PCM1: variants seen among roughly 807,000 people sequenced by gnomAD.
PCM1 encodes the protein pericentriolar material 1 protein.
Under a neutral mutation model 241.9 loss-of-function variants are expected in PCM1, and 157 were observed. That is an observed-to-expected ratio of 0.65 (90% CI 0.57 to 0.74). PCM1 has a LOEUF of 0.74. PCM1 is among the 30% of genes least tolerant of loss of function. The pLI is 0.00. For synonymous variants in PCM1, 1,085 were observed against 784.9 expected (o/e 1.38, Z -6.39); for missense variants, 3,478 against 2,360.1 (o/e 1.47, Z -9.81).
At chr8:17,997,244 C>T (rs1394290266) in intron 29 of PCM1, among the ~76,000 whole-genome samples, 1 of 152,066 alleles carries the variant, frequency 6.6e-6, no homozygotes, top group Non-Finnish European at 1.5e-5. Context: ...ATTCTAGTGA[C>T]AAGTCTACTG....
intron 29 of PCM1, among the ~76,000 whole-genome samples, chr8:18,004,754 C>G (rs541595032): frequency 6.6e-6 from 1 of 152,060 alleles, no homozygotes. Flanking sequence ...AATGTATTCT[C>G]CTCCTTAGAG....
chr8:17,991,625 A>G lies in PCM1; in HGVS notation c.4615A>G (p.Asn1539Asp). 6.3e-7 allele frequency: 1 copy of G among 1,581,400 alleles called. No homozygotes were observed. The highest frequency in any genetic ancestry group is 1.2e-5 in the South Asian group (1 of 86,258). ...GAAGACTGAGGCTGAAAGTAACTCA[A>G]ATATGAGATGCACCTGCAGGATTAT... is the stretch of plus-strand genomic sequence containing the variant. ...RMKTEAESNSNMRCTCRIIED... is the reference protein window; with the variant it reads ...RMKTEAESNSDMRCTCRIIED... The change falls in exon 28 of 39, where the codon AAT becomes GAT. Residue 1539 changes from asparagine (N) to aspartate (D), a missense_variant. Asn to Asp is a conservative substitution (Grantham distance 23, BLOSUM62 1). Transcript: ENST00000325083.
At chr8:17,956,261 G>A (rs2068427226) in intron 10 of PCM1, among the ~76,000 whole-genome samples, 1 of 152,148 alleles carries the variant, frequency 6.6e-6, no homozygotes, top group Non-Finnish European at 1.5e-5. Flanking sequence ...GTAGTATTTA[G>A]TAGTACTTCA....
At position 17,938,986 on chromosome 8, in the gene PCM1, G is replaced by C; in HGVS notation, c.589G>C (p.Glu197Gln). Residue 197 changes from glutamate (E) to glutamine (Q), a missense_variant, in exon 5 of 39, where the codon GAA (glutamate) becomes CAA (glutamine). By Grantham distance (29) the Glu-to-Gln change is conservative (BLOSUM62 2). Coordinates refer to ENST00000325083, the MANE Select transcript of PCM1 (RefSeq NM_006197.4). ...CQVSEEDGRG[E>Q]PAMESSQIVS... ...GGTGTCTGAAGAAGATGGGAGGGGA[G>C]AACCTGCAATGGAGAGCAGCCAGGT... 6.2e-7 allele frequency: 1 copy of C among 1,613,660 alleles called. No homozygotes were observed. The highest frequency in any genetic ancestry group is 8.5e-7 in the Non-Finnish European group (1 of 1,179,634).
intron 29 of PCM1, among the ~76,000 whole-genome samples, chr8:18,005,002 G>A (rs1466956560): frequency 1.3e-5 from 2 of 151,930 alleles, no homozygotes; most frequent in Admixed American, 6.6e-5. Context: ...CATATCTACT[G>A]TTACTTTTTC....
At chr8:18,022,239 G>A (rs575303572) in intron 36 of PCM1, among the ~76,000 whole-genome samples, 2 of 152,200 alleles carry the variant, frequency 1.3e-5, no homozygotes, top group African/African-American at 4.8e-5. Context: ...AGGTGGCATC[G>A]TGAAGTAAAC....
intron 29 of PCM1, among the ~76,000 whole-genome samples, chr8:18,005,169 ATATT>A (rs1378295337): frequency 6.6e-6 from 1 of 152,112 alleles, no homozygotes; most frequent in African/African-American, 2.4e-5. Context: ...CTTTTTAAAA[ATATT>A]TATTTATTCA....
At chr8:18,010,492 A>C in intron 31 of PCM1, 117 bp from the exon 32 acceptor site, 1 of 670,090 alleles carries the variant, frequency 1.5e-6, no homozygotes, top group Non-Finnish European at 2.5e-6. Context: ...ATTAGAAAGT[A>C]ATACAGGCCA....
chr8:18,014,914 T>G, intron 36 of PCM1, 74 bp downstream of exon 36: 1 of 1,307,614 alleles, frequency 7.6e-7, no homozygotes, highest in Non-Finnish European at 1.0e-6. Context: ...CAGATTAGCA[T>G]TCTCCACATG....
In PCM1 at chr8:18,012,783, C is replaced by T. The variant is rs544416469; in HGVS notation, c.5511+956C>T. 8.1e-4 allele frequency among the ~76,000 whole-genome samples: 124 copies of T among 152,200 alleles called. 1 individual carries two copies. The highest frequency in any genetic ancestry group is 3.0e-3 in the African/African-American group (123 of 41,536). On this transcript the variant is annotated intron_variant, in intron 34 of 38. Coordinates refer to ENST00000325083, the MANE Select transcript of PCM1 (RefSeq NM_006197.4). ...TCATGGATTGATCTTCTGATTTTCT[C>T]CTCTTTTCCTTATCTTTTGGTTTTA...
At chr8:17,950,351 G>A (rs539063734) in intron 7 of PCM1, among the ~76,000 whole-genome samples, 3 of 152,142 alleles carry the variant, frequency 2.0e-5, no homozygotes, top group Admixed American at 1.3e-4. Flanking sequence ...CTATTAATTG[G>A]AATGTAATAG....
At chr8:17,985,366 G>GATTT in intron 24 of PCM1, 81 bp from the exon 25 acceptor site, 3 of 837,806 alleles carry the variant, frequency 3.6e-6, no homozygotes, top group South Asian at 3.8e-5. Flanking sequence ...ATTTAAAGCT[G>GATTT]AGAGTAATGA....
At chr8:17,967,787 C>G (rs1040649048) in intron 21 of PCM1, among the ~76,000 whole-genome samples, 1 of 152,160 alleles carries the variant, frequency 6.6e-6, no homozygotes, top group African/African-American at 2.4e-5. Flanking sequence ...CAGTGCTCTC[C>G]TAAAGGAGTA....
At chr8:17,984,291 G>C (rs2081901711) in intron 24 of PCM1, among the ~76,000 whole-genome samples, 1 of 151,870 alleles carries the variant, frequency 6.6e-6, no homozygotes, top group Admixed American at 6.5e-5. Flanking sequence ...ATAAAAGTTT[G>C]CATATCAAAA....
chr8:18,018,846 G>GTA (rs1482448115), intron 36 of PCM1, among the ~76,000 whole-genome samples: 12 of 60,028 alleles, frequency 2.0e-4, no homozygotes, highest in East Asian at 3.6e-4. Flanking sequence ...ATATGTGTGT[G>GTA]TGTGTGTATA....
Position 17,944,344 on chromosome 8 carries a change from C to T in PCM1, c.784-2842C>T, listed in dbSNP as rs115852873. 2.9e-3 allele frequency among the ~76,000 whole-genome samples: 442 copies of T among 152,234 alleles called. 2 individuals are homozygous for T. Among genetic ancestry groups the T allele is most frequent in the African/African-American group, 0.01 (423 of 41,536 alleles). ...GACACTGGATAAGTCACAACTTTAT[C>T]TTCTCTAGGCTTATAGTTCCTCAAC... On this transcript the variant is annotated intron_variant, in intron 6 of 38. Coordinates refer to ENST00000325083, the MANE Select transcript of PCM1 (RefSeq NM_006197.4).
In PCM1 at chr8:17,980,869, G is replaced by T. The variant is rs187779283; in HGVS notation, c.4108+114G>T. ...TTCACACGTATCTATCATGTGGAAG[G>T]TTTTATAGTGGAAATTATAGTACAC... is the stretch of plus-strand genomic sequence containing the variant. On this transcript the variant is annotated intron_variant, in intron 24 of 38. Transcript: ENST00000325083. 2.6e-4 allele frequency: 178 copies of T among 684,992 alleles called. No homozygotes were observed. The East Asian group carries it at 4.1e-3, about 16-fold the overall frequency. 42.4% of individuals were successfully genotyped at this position (684,992 alleles called of 1,614,324 possible).
intron 23 of PCM1, among the ~76,000 whole-genome samples, chr8:17,975,265 A>G (rs1183396243): frequency 6.6e-6 from 1 of 152,056 alleles, no homozygotes; most frequent in African/African-American, 2.4e-5. Flanking sequence ...CCGGGTTCAA[A>G]CAATTCTCCT....
At chr8:17,939,088 C>A in intron 5 of PCM1, 79 bp downstream of exon 5, 2 of 1,408,400 alleles carry the variant, frequency 1.4e-6, no homozygotes, top group East Asian at 2.3e-5. Flanking sequence ...AATTAGGTTA[C>A]GCACACAGGA....
Sources: gnomAD v4.1 joint callset for allele counts (sites outside exome capture counted in the v4.1 genomes callset) on GRCh38, gnomAD v4.1.1 for gene constraint, MANE v1.5 for transcripts, NCBI Gene and HGNC (gene_info 2026-07-23, HGNC 2026-07-21) for gene names.